The following DNM3 variants were observed in gnomAD, a reference collection of about 807,000 sequenced individuals.
The protein encoded by DNM3 is dynamin 3.
DNM3 carries 47 observed loss-of-function variants against 101.6 expected under a neutral mutation model. The observed-to-expected ratio is 0.46, with a 90% CI of 0.37 to 0.59. The LOEUF (loss-of-function observed/expected upper bound fraction) is 0.59, where lower values mean the gene tolerates loss of function less well. Among genes scored for constraint, DNM3 ranks in the 20% least tolerant of loss-of-function variants. The pLI is 0.00. For missense variants in DNM3, 849 were observed against 1,085.7 expected (o/e 0.78, Z 3.06); for synonymous variants, 385 against 387.9 (o/e 0.99, Z 0.09).
At chr1:171,912,018 T>C (rs1486737618) in intron 1 of DNM3, among the ~76,000 whole-genome samples, 1 of 152,138 alleles carries the variant, frequency 6.6e-6, no homozygotes, top group Non-Finnish European at 1.5e-5. Context: ...GTCCAGCCCA[T>C]GTTTCCAGGA....
In DNM3 at chr1:172,410,715, ATTTG is replaced by A. The variant is rs1426263331; in HGVS notation, c.*2877_*2880del. The stretch of plus-strand genomic sequence containing the variant: ...GGGTCTGTTTATTAGCAAATTTCCT[ATTTG>A]TTCCAATACAAACTCACTTTATTCT... On this transcript the variant is annotated 3_prime_UTR_variant, in exon 21 of 21. Transcript: ENST00000627582. The A allele has an allele frequency of 1.0e-6, 1 of 985,210 alleles. No individual in the cohort carries two copies. The highest frequency in any genetic ancestry group is 1.2e-6 in the Non-Finnish European group (1 of 829,830). The allele number at this position is 985,210 out of a possible 1,614,324, so 61.0% of individuals were successfully genotyped here.
At chr1:172,127,384 ACTTATT>A (rs1238029149) in intron 13 of DNM3, among the ~76,000 whole-genome samples, 5 of 115,644 alleles carry the variant, frequency 4.3e-5, no homozygotes, top group South Asian at 2.7e-4. Flanking sequence ...CTTACTCTCT[ACTTATT>A]ATTATTATTA....
intron 13 of DNM3, 86 bp from the exon 14 acceptor site, chr1:172,131,089 T>C (rs1438004511): frequency 9.0e-7 from 1 of 1,112,810 alleles, no homozygotes; most frequent in Non-Finnish European, 1.3e-6. Flanking sequence ...ATTAATATCT[T>C]GTTTTTAACT....
intron 14 of DNM3, among the ~76,000 whole-genome samples, chr1:172,152,623 A>G (rs569988590): frequency 6.6e-6 from 1 of 152,232 alleles, no homozygotes; most frequent in African/African-American, 2.4e-5. Context: ...GATGAATGCC[A>G]CTTCTGTTGC....
intron 17 of DNM3, among the ~76,000 whole-genome samples, chr1:172,359,234 G>A (rs1161303467): frequency 6.6e-6 from 1 of 151,788 alleles, no homozygotes; most frequent in Non-Finnish European, 1.5e-5. Context: ...TTTGGCTTGA[G>A]GCCGCATAGA....
intron 14 of DNM3, among the ~76,000 whole-genome samples, chr1:172,220,844 T>C (rs1308721725): frequency 6.6e-6 from 1 of 152,186 alleles, no homozygotes; most frequent in Non-Finnish European, 1.5e-5. Context: ...ACTTCTTTAT[T>C]TGTTAATAAA....
intron 1 of DNM3, among the ~76,000 whole-genome samples, chr1:171,846,963 G>T (rs554062644): frequency 2.3e-4 from 35 of 152,216 alleles, no homozygotes; most frequent in African/African-American, 7.7e-4. Context: ...GAAAATTCAG[G>T]GTTGGAGAGA....
intron 1 of DNM3, among the ~76,000 whole-genome samples, chr1:171,892,527 C>CGGAG (rs2037382317): frequency 2.0e-5 from 3 of 152,216 alleles, no homozygotes; most frequent in Admixed American, 1.3e-4. Flanking sequence ...TCTAATTCAT[C>CGGAG]ACCACATGGA....
At chr1:171,938,582 AGGCATTTACCTTTTG>A (rs1459396895) in intron 2 of DNM3, among the ~76,000 whole-genome samples, 1 of 152,234 alleles carries the variant, frequency 6.6e-6, no homozygotes, top group Non-Finnish European at 1.5e-5. Context: ...AAGTGTTCAA[AGGCATTTACCTTTTG>A]GGCAGATGCT....
rs142485859 is a variant in DNM3 at position 172,159,092 on chromosome 1, C to G, written c.1659+27804C>G. 2.7e-3 allele frequency among the ~76,000 whole-genome samples: 406 copies of G among 152,088 alleles called. 1 individual carries two copies. Among genetic ancestry groups the G allele is most frequent in the African/African-American group, 9.2e-3 (381 of 41,504 alleles). On this transcript the variant is annotated intron_variant, in intron 14 of 20. Transcript: ENST00000627582. ...GTCAAGTCATCTAAATGGTCACATT[C>G]GTCCTTTGGAAAATTATCTTGCAAC... is the stretch of plus-strand genomic sequence containing the variant.
At chr1:171,959,636 C>A (rs949099272) in intron 2 of DNM3, among the ~76,000 whole-genome samples, 2 of 151,990 alleles carry the variant, frequency 1.3e-5, no homozygotes, top group African/African-American at 4.8e-5. Context: ...AGAAAGTAAT[C>A]CTGGGAAGCA....
At chr1:171,898,707 G>T (rs12745436) in intron 1 of DNM3, among the ~76,000 whole-genome samples, 8,745 of 126,298 alleles carry the variant, frequency 0.069, 314 homozygotes, top group Middle Eastern at 0.13. Context: ...TATATATATA[G>T]AGAGAGAGAG....
intron 6 of DNM3, among the ~76,000 whole-genome samples, chr1:172,036,114 C>G (rs1305242407): frequency 3.4e-5 from 5 of 148,434 alleles, no homozygotes; most frequent in African/African-American, 1.2e-4. Flanking sequence ...ATTAACTCGT[C>G]ATTTAGCATT....
intron 15 of DNM3, among the ~76,000 whole-genome samples, chr1:172,263,703 T>C (rs2062753387): frequency 6.6e-6 from 1 of 152,170 alleles, no homozygotes; most frequent in South Asian, 2.1e-4. Context: ...TCAGCCTCCA[T>C]GATTAAATTA....
intron 17 of DNM3, among the ~76,000 whole-genome samples, chr1:172,349,277 C>T (rs529292843): frequency 7.5e-4 from 114 of 152,292 alleles, no homozygotes; most frequent in Middle Eastern, 6.8e-3. Flanking sequence ...CCTCAACTTC[C>T]TCATGTGTAA....
chr1:171,968,739 C>T (rs1189246479), intron 2 of DNM3, among the ~76,000 whole-genome samples: 2 of 151,868 alleles, frequency 1.3e-5, no homozygotes, highest in South Asian at 2.1e-4. Context: ...ATAGTTGGAG[C>T]GAAAGTCCAG....
At chr1:171,973,684 T>C in intron 2 of DNM3, among the ~76,000 whole-genome samples, 1 of 152,054 alleles carries the variant, frequency 6.6e-6, no homozygotes, top group East Asian at 1.9e-4. Flanking sequence ...TTTTTTTTTT[T>C]TTTTTGATAC....
intron 3 of DNM3, among the ~76,000 whole-genome samples, 179 bp from the exon 4 acceptor site, chr1:171,988,766 T>G (rs1452135832): frequency 6.6e-6 from 1 of 152,184 alleles, no homozygotes; most frequent in Non-Finnish European, 1.5e-5. Context: ...CACAATCATA[T>G]CATAAAAATA....
chr1:172,117,956 G>A (rs145743267), intron 13 of DNM3, among the ~76,000 whole-genome samples: 12 of 152,188 alleles, frequency 7.9e-5, no homozygotes, highest in East Asian at 7.7e-4. Flanking sequence ...GCCACTCCTC[G>A]GGACCTCAAG....
Sources: gnomAD v4.1 joint callset for allele counts (sites outside exome capture counted in the v4.1 genomes callset) on GRCh38, gnomAD v4.1.1 for gene constraint, MANE v1.5 for transcripts, NCBI Gene and HGNC (gene_info 2026-07-23, HGNC 2026-07-21) for gene names.